SIPA1L3: variants seen among roughly 807,000 people sequenced by gnomAD.
SIPA1L3 encodes signal induced proliferation associated 1 like 3.
Under a neutral mutation model 150.1 loss-of-function variants are expected in SIPA1L3, and 59 were observed. The ratio of observed to expected loss-of-function variants is 0.39; its 90% confidence interval spans 0.32 to 0.49. The LOEUF is 0.49. Among genes scored for constraint, SIPA1L3 ranks in the 20% least tolerant of loss-of-function variants. SIPA1L3 has a pLI of 0.86. For synonymous variants in SIPA1L3, 1,070 were observed against 1,077.6 expected (o/e 0.99, Z 0.14); for missense variants, 2,211 against 2,489.5 (o/e 0.89, Z 2.38).
intron 1 of SIPA1L3, among the ~76,000 whole-genome samples, chr19:37,939,399 CAAA>C (rs753230257): frequency 8.7e-5 from 6 of 69,192 alleles, no homozygotes; most frequent in Non-Finnish European, 2.7e-5. Flanking sequence ...GACTCCATGT[CAAA>C]AAAAAAAAAA....
At chr19:37,976,104 TAA>T (rs374630193) in intron 1 of SIPA1L3, among the ~76,000 whole-genome samples, 5 of 120,300 alleles carry the variant, frequency 4.2e-5, no homozygotes, top group Middle Eastern at 3.8e-3. Context: ...GGCTCTGTCT[TAA>T]AAAAAAAAAA....
At chr19:37,973,963 C>G (rs141338250) in intron 1 of SIPA1L3, among the ~76,000 whole-genome samples, 19 of 152,232 alleles carry the variant, frequency 1.2e-4, no homozygotes, top group African/African-American at 4.6e-4. Context: ...CCAGGAAGAT[C>G]AGCAACAGAG....
intron 2 of SIPA1L3, among the ~76,000 whole-genome samples, chr19:38,035,953 A>G (rs1194105091): frequency 6.6e-6 from 1 of 152,230 alleles, no homozygotes; most frequent in African/African-American, 2.4e-5. Flanking sequence ...GCACAGGCCT[A>G]GGTGTAGCAG....
At chr19:38,004,794 A>G (rs756550131) in intron 1 of SIPA1L3, among the ~76,000 whole-genome samples, 1 of 152,160 alleles carries the variant, frequency 6.6e-6, no homozygotes, top group African/African-American at 2.4e-5. Flanking sequence ...GAACCAGGAC[A>G]CACATGCCAC....
At chr19:37,999,879 T>C (rs1967740960) in intron 1 of SIPA1L3, among the ~76,000 whole-genome samples, 1 of 152,008 alleles carries the variant, frequency 6.6e-6, no homozygotes, top group African/African-American at 2.4e-5. Context: ...ATTGCCAGGG[T>C]CTTGAACAGT....
In SIPA1L3 at chr19:38,081,498, G is replaced by A; in HGVS notation, c.-68G>A. The A allele has an allele frequency of 6.9e-7, 1 of 1,448,556 alleles. No individual in the cohort carries two copies. Among genetic ancestry groups the A allele is most frequent in the Non-Finnish European group, 9.3e-7 (1 of 1,075,964 alleles). 89.7% of individuals were successfully genotyped at this position (1,448,556 alleles called of 1,614,324 possible). On this transcript the variant is annotated 5_prime_UTR_variant, in exon 3 of 22. Transcript: ENST00000222345. The stretch of plus-strand genomic sequence containing the variant: ...CCTGGCTGCCCTGAACAATGGCTGA[G>A]GGCTGGGGGACCCCATAGAGTGACA...
At chr19:38,136,170 A>G (rs1971429786) in intron 10 of SIPA1L3, among the ~76,000 whole-genome samples, 2 of 54,018 alleles carry the variant, frequency 3.7e-5, no homozygotes, top group Non-Finnish European at 6.0e-5. Context: ...TGGGCAAGAG[A>G]GTGAGACTGT....
chr19:38,066,179 ATTTT>A (rs1568529649), intron 2 of SIPA1L3, among the ~76,000 whole-genome samples: 1 of 150,794 alleles, frequency 6.6e-6, no homozygotes, highest in Non-Finnish European at 1.5e-5. Flanking sequence ...CACCTGGCAA[ATTTT>A]AAAAAAAAAA....
At chr19:37,934,595 GAC>G (rs1207536141) in intron 1 of SIPA1L3, among the ~76,000 whole-genome samples, 1 of 152,162 alleles carries the variant, frequency 6.6e-6, no homozygotes, top group East Asian at 1.9e-4. Context: ...ATTTAAGAAA[GAC>G]AATTCTTTTT....
chr19:38,036,563 T>A (rs1968795628), intron 2 of SIPA1L3, among the ~76,000 whole-genome samples: 1 of 152,170 alleles, frequency 6.6e-6, no homozygotes, highest in Non-Finnish European at 1.5e-5. Context: ...TTTCACTGAG[T>A]TCCGTGCTGG....
intron 1 of SIPA1L3, among the ~76,000 whole-genome samples, chr19:37,919,980 G>T (rs1455534159): frequency 6.6e-6 from 1 of 151,730 alleles, no homozygotes; most frequent in Non-Finnish European, 1.5e-5. Flanking sequence ...AAAGTGCTGG[G>T]ATTACAGGCA....
At chr19:38,078,567 TACAC>T (rs759566507) in intron 2 of SIPA1L3, among the ~76,000 whole-genome samples, 5 of 127,646 alleles carry the variant, frequency 3.9e-5, no homozygotes, top group African/African-American at 1.5e-4. Context: ...CACACAGACA[TACAC>T]AGAGACACGC....
chr19:38,036,226 G>T (rs1340462808), intron 2 of SIPA1L3, among the ~76,000 whole-genome samples: 3 of 152,248 alleles, frequency 2.0e-5, no homozygotes, highest in African/African-American at 7.2e-5. Context: ...TTATTCTCTG[G>T]GATGGAGCCG....
At chr19:38,065,705 A>T (rs1405095860) in intron 2 of SIPA1L3, among the ~76,000 whole-genome samples, 1 of 151,910 alleles carries the variant, frequency 6.6e-6, no homozygotes, top group East Asian at 1.9e-4. Flanking sequence ...TACAGGCGTG[A>T]TGCGTTACTG....
intron 1 of SIPA1L3, among the ~76,000 whole-genome samples, chr19:37,962,463 C>CTTTTTTTTTTTTTT (rs71177491): frequency 2.3e-4 from 17 of 73,092 alleles, no homozygotes; most frequent in African/African-American, 7.1e-4. Context: ...TGCAGCCGGC[C>CTTTTTTTTTTTTTT]TTTTTTTTTT....
At chr19:38,079,862 C>T (rs1050226503) in intron 2 of SIPA1L3, among the ~76,000 whole-genome samples, 1 of 152,098 alleles carries the variant, frequency 6.6e-6, no homozygotes, top group African/African-American at 2.4e-5. Flanking sequence ...AGCCGGAAGT[C>T]CCCATGGAAG....
At chr19:37,935,507 C>T (rs1030560279) in intron 1 of SIPA1L3, among the ~76,000 whole-genome samples, 2 of 152,218 alleles carry the variant, frequency 1.3e-5, no homozygotes, top group African/African-American at 4.8e-5. Context: ...CTTAAAATGA[C>T]AGCAGTTTCT....
At chr19:38,172,170 G>A (rs950533518) in intron 15 of SIPA1L3, among the ~76,000 whole-genome samples, 4 of 152,190 alleles carry the variant, frequency 2.6e-5, no homozygotes, top group African/African-American at 9.7e-5. Flanking sequence ...GGCAGCAGGC[G>A]GCATTGCCAG....
intron 9 of SIPA1L3, among the ~76,000 whole-genome samples, chr19:38,124,435 A>G (rs1971120466): frequency 6.7e-6 from 1 of 149,248 alleles, no homozygotes; most frequent in Non-Finnish European, 1.5e-5. Flanking sequence ...CTCACTTCCT[A>G]GATGGGATGG....
Sources: allele counts gnomAD v4.1 joint callset (sites outside exome capture counted in the v4.1 genomes callset), GRCh38; gene constraint gnomAD v4.1.1; transcripts MANE v1.5; gene names NCBI Gene and HGNC (gene_info 2026-07-23, HGNC 2026-07-21).